Variants in CECR2 observed in about 807,000 individuals in gnomAD.
The protein encoded by CECR2 is CECR2 histone acetyl-lysine reader.
A neutral mutation model predicts 154.5 loss-of-function variants in CECR2; 30 were observed. That is an observed-to-expected ratio of 0.19 (90% CI 0.15 to 0.26). The LOEUF (loss-of-function observed/expected upper bound fraction) is 0.26. Among genes scored for constraint, CECR2 ranks in the 10% least tolerant of loss-of-function variants. The probability of loss-of-function intolerance (pLI) is 1.00; values close to 1 mark genes in which losing one functional copy is unlikely to be tolerated. For synonymous variants in CECR2, 725 were observed against 683.7 expected (o/e 1.06, Z -0.94); for missense variants, 1,743 against 1,829.3 (o/e 0.95, Z 0.86).
chr22:17,529,699 C>T (rs75895286), intron 9 of CECR2, among the ~76,000 whole-genome samples: 2 of 100,524 alleles, frequency 2.0e-5, no homozygotes, highest in Admixed American at 2.1e-4. Context: ...GATTCCGTCT[C>T]AAAAAAAAAA....
At chr22:17,395,338 C>T (rs2053791726) in intron 1 of CECR2, among the ~76,000 whole-genome samples, 2 of 151,564 alleles carry the variant, frequency 1.3e-5, no homozygotes, top group South Asian at 4.2e-4. Flanking sequence ...CGAATAGAAT[C>T]TTACATATTC....
At chr22:17,538,334 T>C (rs1043750620) in intron 10 of CECR2, among the ~76,000 whole-genome samples, 186 bp from the exon 11 acceptor site, 3 of 152,244 alleles carry the variant, frequency 2.0e-5, no homozygotes, top group Non-Finnish European at 2.9e-5. Context: ...TTCCCAGTTT[T>C]GCTAAGGTCC....
intron 7 of CECR2, among the ~76,000 whole-genome samples, chr22:17,508,739 TGA>T (rs1018560377): frequency 6.6e-6 from 1 of 152,130 alleles, no homozygotes; most frequent in African/African-American, 2.4e-5. Flanking sequence ...TCTATATTGT[TGA>T]AAACATAACA....
chr22:17,405,185 G>A (rs986323772), intron 1 of CECR2, among the ~76,000 whole-genome samples: 1 of 152,066 alleles, frequency 6.6e-6, no homozygotes, highest in African/African-American at 2.4e-5. Flanking sequence ...TGAGGCAGGC[G>A]GATCACCTGA....
intron 1 of CECR2, among the ~76,000 whole-genome samples, chr22:17,382,894 T>C (rs1455324059): frequency 6.6e-6 from 1 of 151,652 alleles, no homozygotes; most frequent in Non-Finnish European, 1.5e-5. Context: ...AGTGAGACCT[T>C]GTCTCAAAAC....
At chr22:17,480,189 T>G (rs2055283112) in intron 2 of CECR2, among the ~76,000 whole-genome samples, 1 of 152,122 alleles carries the variant, frequency 6.6e-6, no homozygotes, top group Admixed American at 6.6e-5. Flanking sequence ...ATCTATCTCT[T>G]TTTTCAGTGT....
intron 1 of CECR2, among the ~76,000 whole-genome samples, chr22:17,391,583 C>G (rs944420129): frequency 2.0e-5 from 3 of 152,078 alleles, no homozygotes; most frequent in Admixed American, 6.6e-5. Flanking sequence ...GGGCCTGGCC[C>G]AAATAGATCT....
intron 1 of CECR2, among the ~76,000 whole-genome samples, chr22:17,398,688 C>T (rs1337020388): frequency 5.3e-5 from 8 of 152,124 alleles, no homozygotes; most frequent in East Asian, 1.9e-4. Flanking sequence ...GTGGAGTTAA[C>T]GTGAGAATTA....
At chr22:17,412,118 G>A (rs1291805928) in intron 1 of CECR2, among the ~76,000 whole-genome samples, 1 of 152,110 alleles carries the variant, frequency 6.6e-6, no homozygotes, top group Admixed American at 6.5e-5. Flanking sequence ...TTCTAATGGC[G>A]AGTATTCTCT....
chr22:17,394,593 T>G (rs1408774194), intron 1 of CECR2, among the ~76,000 whole-genome samples: 2 of 152,178 alleles, frequency 1.3e-5, no homozygotes, highest in South Asian at 4.1e-4. Flanking sequence ...GTTTTGAAAT[T>G]GGGAAGTGTG....
chr22:17,528,631 G>A (rs1379144745), intron 9 of CECR2, among the ~76,000 whole-genome samples: 3 of 151,984 alleles, frequency 2.0e-5, no homozygotes. Context: ...CACTTCTCAG[G>A]TTCAAGTGAT....
At chr22:17,446,148 C>T (rs2054658707) in intron 1 of CECR2, among the ~76,000 whole-genome samples, 1 of 152,058 alleles carries the variant, frequency 6.6e-6, no homozygotes, top group African/African-American at 2.4e-5. Context: ...AAAAAAAACT[C>T]AGGAGGTGCT....
At chr22:17,474,958 A>G (rs1385720076) in intron 1 of CECR2, among the ~76,000 whole-genome samples, 7 of 152,120 alleles carry the variant, frequency 4.6e-5, no homozygotes, top group Admixed American at 4.6e-4. Context: ...TGGTACTTCC[A>G]TGCTTAAAAA....
intron 1 of CECR2, among the ~76,000 whole-genome samples, chr22:17,452,144 C>T (rs2054780903): frequency 6.6e-6 from 1 of 152,238 alleles, no homozygotes; most frequent in African/African-American, 2.4e-5. Context: ...ACAATCTCTG[C>T]TCACTGCAAC....
At position 17,501,601 on chromosome 22, in the gene CECR2, C is replaced by CA. The variant is rs2055739248; in HGVS notation, c.650+868dup. On this transcript the variant is annotated intron_variant, in intron 5 of 18. Coordinates refer to ENST00000262608, the MANE Select transcript of CECR2 (RefSeq NM_001290047.2). ...GATCACTCAGATCCTGATTTTAACT[C>CA]AATCAGCATCCACTTAACTTTACAG... 8.5e-5 allele frequency among the ~76,000 whole-genome samples: 13 copies of CA among 152,206 alleles called. No individual in the cohort carries two copies. The South Asian group carries it at 2.7e-3, about 32-fold the overall frequency.
chr22:17,400,253 C>T (rs12157978), intron 1 of CECR2, among the ~76,000 whole-genome samples: 8,668 of 152,026 alleles, frequency 0.057, 409 homozygotes, highest in African/African-American at 0.13. Flanking sequence ...TTAGGATTAC[C>T]CTCAACTGTT....
chr22:17,477,420 C>T (rs868556608), intron 1 of CECR2, among the ~76,000 whole-genome samples, 168 bp from the exon 2 acceptor site: 2 of 152,120 alleles, frequency 1.3e-5, no homozygotes, highest in South Asian at 2.1e-4. Flanking sequence ...ACGCGGAATC[C>T]GGTTGCTCTT....
chr22:17,522,997 T>C (rs2056183153), intron 8 of CECR2, among the ~76,000 whole-genome samples: 1 of 143,582 alleles, frequency 7.0e-6, no homozygotes, highest in Non-Finnish European at 1.5e-5. Context: ...AAAGCAAGAC[T>C]CCATCTCGGG....
At chr22:17,498,311 A>T (rs1307516502) in intron 3 of CECR2, among the ~76,000 whole-genome samples, 1 of 152,054 alleles carries the variant, frequency 6.6e-6, no homozygotes, top group Non-Finnish European at 1.5e-5. Context: ...GAATGGCATG[A>T]ACCCGGGAGG....
Sources: allele counts gnomAD v4.1 joint callset (sites outside exome capture counted in the v4.1 genomes callset), GRCh38; gene constraint gnomAD v4.1.1; transcripts MANE v1.5; gene names NCBI Gene and HGNC (gene_info 2026-07-23, HGNC 2026-07-21).